Variants in SEC24B observed in about 807,000 individuals in gnomAD.
SEC24B encodes the protein protein transport protein Sec24B.
Under a neutral mutation model 142.8 loss-of-function variants are expected in SEC24B, and 45 were observed. The ratio of observed to expected loss-of-function variants is 0.32; its 90% CI spans 0.25 to 0.40. The LOEUF is 0.40. Among genes scored for constraint, SEC24B ranks in the 10% least tolerant of loss-of-function variants. SEC24B has a pLI of 1.00. For synonymous variants in SEC24B, 574 were observed against 568.2 expected (o/e 1.01, Z -0.15); for missense variants, 1,409 against 1,526.8 (o/e 0.92, Z 1.29).
chr4:109,469,244 T>C (rs912370510), intron 2 of SEC24B, among the ~76,000 whole-genome samples: 2 of 152,240 alleles, frequency 1.3e-5, no homozygotes, highest in Non-Finnish European at 2.9e-5. Flanking sequence ...GTTGTTTGTT[T>C]TGTCAAATTC....
chr4:109,463,582 A>G lies in SEC24B; in HGVS notation c.815A>G (p.Asp272Gly), dbSNP rs776632988. The change falls in exon 2 of 24, where the codon GAC (aspartate) becomes GGC (glycine). Residue 272 changes from aspartate to glycine, a missense_variant. Transcript: ENST00000265175. The part of the protein sequence containing the change: ...WSSPGLPSTQ[D>G]NLIRNHTGSL... Reference sequence around the variant, plus strand: ...TCTCCAGGCCTTCCATCGACTCAAGACAATCTCATCCGAAACCACACAGGA... The same window carrying G: ...TCTCCAGGCCTTCCATCGACTCAAGGCAATCTCATCCGAAACCACACAGGA... The G allele has an allele frequency of 2.5e-6, 4 of 1,614,040 alleles. No individual in the cohort carries two copies. In the African/African-American group the frequency reaches 5.3e-5, roughly 22 times the overall value.
In SEC24B at chr4:109,484,540, AAAAG is replaced by A. The variant is rs369823292; in HGVS notation, c.1165+2761_1165+2764del. ...TGTTGTGTTCTCCAAAAAAAGAAAA[AAAAG>A]AGAGAGAGATCAGAAAGATTTGGTG... On this transcript the variant is annotated intron_variant, in intron 4 of 23. Transcript: ENST00000265175. Among the ~76,000 whole-genome samples, 8 of 152,294 alleles carry A rather than the reference AAAAG, an allele frequency of 5.3e-5. No homozygotes were observed. In the East Asian group the frequency reaches 7.7e-4, roughly 15 times the overall value.
At chr4:109,461,834 T>A (rs755514705) in intron 1 of SEC24B, among the ~76,000 whole-genome samples, 1 of 152,234 alleles carries the variant, frequency 6.6e-6, no homozygotes, top group African/African-American at 2.4e-5. Context: ...TTTAGCTGTG[T>A]GCAGTGGCTC....
In SEC24B at chr4:109,513,683, G is replaced by A. The variant is rs184064659; in HGVS notation, c.1904-64G>A. 2.1e-4 allele frequency: 177 copies of A among 826,690 alleles called. 1 individual carries two copies. The highest frequency in any genetic ancestry group is 1.4e-3 in the Middle Eastern group (6 of 4,402). The allele number at this position is 826,690 out of a possible 1,614,324, so 51.2% of individuals were successfully genotyped here. A position where few individuals can be genotyped will look rare whatever the true frequency, so the allele number is the denominator to read the frequency against. On this transcript the variant is annotated intron_variant, in intron 9 of 23. Transcript: ENST00000265175. Reference sequence around the variant, plus strand: ...ATTGATAATAGATATTTATTTTTAGGTGTGTATATATGTGTTTAGTTACAA... The same window carrying A: ...ATTGATAATAGATATTTATTTTTAGATGTGTATATATGTGTTTAGTTACAA...
intron 3 of SEC24B, among the ~76,000 whole-genome samples, chr4:109,479,112 G>A (rs1201399397): frequency 2.0e-5 from 3 of 152,176 alleles, no homozygotes; most frequent in African/African-American, 7.2e-5. Flanking sequence ...GGAAAGATTT[G>A]CCTGAGGGTA....
In SEC24B at chr4:109,537,881, A is replaced by G. The variant is rs566580984; in HGVS notation, c.3589-612A>G. On this transcript the variant is annotated intron_variant, in intron 22 of 23. Transcript: ENST00000265175. ...TTGTTATATACTACATTTTTGAATT[A>G]TTTAATTTACTGTTAATTTGCTATT... Among the ~76,000 whole-genome samples, 3 of 152,304 alleles carry G rather than the reference A, an allele frequency of 2.0e-5. No homozygotes were observed. In the South Asian group the frequency reaches 6.2e-4, roughly 32 times the overall value.
intron 18 of SEC24B, among the ~76,000 whole-genome samples, chr4:109,528,370 G>T (rs1724496637): frequency 6.6e-6 from 1 of 151,050 alleles, no homozygotes. Context: ...AGGTTGCAGT[G>T]AGCCGAGCCG....
intron 6 of SEC24B, among the ~76,000 whole-genome samples, chr4:109,500,870 G>T (rs1736058605): frequency 6.6e-6 from 1 of 152,112 alleles, no homozygotes; most frequent in South Asian, 2.1e-4. Context: ...TGTTATTCAG[G>T]CTGGTCTCAA....
At chr4:109,475,293 A>G (rs564321668) in intron 3 of SEC24B, among the ~76,000 whole-genome samples, 1 of 152,368 alleles carries the variant, frequency 6.6e-6, no homozygotes, top group South Asian at 2.1e-4. Flanking sequence ...TAATTGAGTC[A>G]GGGCTACCAC....
chr4:109,481,538 A>G (rs1311419561), intron 3 of SEC24B, 139 bp from the exon 4 acceptor site: 1 of 618,622 alleles, frequency 1.6e-6, no homozygotes, highest in Non-Finnish European at 2.9e-6. Context: ...TTTGATAATG[A>G]ATTTGCTAAT....
Position 109,463,594 on chromosome 4 carries a change from G to A in SEC24B, c.827G>A (p.Arg276Gln), listed in dbSNP as rs771472332. Reference protein sequence around the residue: ...GLPSTQDNLIRNHTGSLAVAN... With the variant: ...GLPSTQDNLIQNHTGSLAVAN... ...CCATCGACTCAAGACAATCTCATCC[G>A]AAACCACACAGGATCCCTGGCTGTA... Residue 276 changes from arginine to glutamine, a missense_variant, in exon 2 of 24, where the codon CGA (arginine) becomes CAA (glutamine). Transcript: ENST00000265175. The A allele has an allele frequency of 1.9e-5, 30 of 1,613,950 alleles. No individual in the cohort carries two copies. The highest frequency in any genetic ancestry group is 7.7e-5 in the South Asian group (7 of 91,082).
At chr4:109,511,233 T>C (rs560121387) in intron 8 of SEC24B, among the ~76,000 whole-genome samples, 6 of 152,118 alleles carry the variant, frequency 3.9e-5, no homozygotes, top group East Asian at 3.9e-4. Flanking sequence ...TTCTGTGATA[T>C]AGAGTTCTGT....
chr4:109,506,083 C>T (rs1030391604), intron 6 of SEC24B, among the ~76,000 whole-genome samples: 1 of 152,190 alleles, frequency 6.6e-6, no homozygotes, highest in South Asian at 2.1e-4. Flanking sequence ...AACCAAATTG[C>T]TCATGTTGAA....
At chr4:109,530,912 A>G (rs910193916) in intron 19 of SEC24B, among the ~76,000 whole-genome samples, 7 of 151,240 alleles carry the variant, frequency 4.6e-5, no homozygotes, top group Non-Finnish European at 8.9e-5. Context: ...AAAAAAAAAA[A>G]AAAAAAAAGA....
Position 109,530,441 on chromosome 4 carries a change from T to C in SEC24B, c.3229T>C (p.Tyr1077His). Reference sequence around the variant, plus strand: ...CAGCTCCCTCAAGTTGTTTCCTCTCTATGTTTTGGCCCTTCTCAAACAGGT... The same window carrying C: ...CAGCTCCCTCAAGTTGTTTCCTCTCCATGTTTTGGCCCTTCTCAAACAGGT... ...APSSLKLFPL[Y>H]VLALLKQKAF... Residue 1077 changes from tyrosine (Y) to histidine (H), a missense_variant, in exon 19 of 24, where the codon TAT becomes CAT. Physicochemically the swap from Tyr to His is moderately conservative, Grantham distance 83. This residue lies in a region of SEC24B where 700 missense variants were observed against 853.3 expected (regional missense o/e 0.82). Coordinates refer to ENST00000265175, the MANE Select transcript of SEC24B (RefSeq NM_006323.5). 6.2e-7 allele frequency: 1 copy of C among 1,614,020 alleles called. No individual in the cohort carries two copies. The highest frequency in any genetic ancestry group is 1.1e-5 in the South Asian group (1 of 91,054).
At chr4:109,492,840 A>G (rs1184548363) in intron 5 of SEC24B, among the ~76,000 whole-genome samples, 2 of 150,862 alleles carry the variant, frequency 1.3e-5, no homozygotes, top group African/African-American at 4.9e-5. Flanking sequence ...TCAGCCTCCC[A>G]AGTAGCTGGG....
At chr4:109,453,537 G>A (rs1730350662) in intron 1 of SEC24B, among the ~76,000 whole-genome samples, 1 of 141,696 alleles carries the variant, frequency 7.1e-6, no homozygotes, top group South Asian at 2.2e-4. Flanking sequence ...TCGGTAATAA[G>A]AGAAATATGG....
intron 15 of SEC24B, 68 bp downstream of exon 15, chr4:109,525,009 C>CT: frequency 2.9e-6 from 4 of 1,371,684 alleles, no homozygotes; most frequent in Non-Finnish European, 4.0e-6. Context: ...AATCTAAACT[C>CT]TTCAGTAAGC....
chr4:109,499,472 A>G (rs2126020256), intron 6 of SEC24B, among the ~76,000 whole-genome samples: 1 of 152,264 alleles, frequency 6.6e-6, no homozygotes, highest in South Asian at 2.1e-4. Context: ...AACCTGTGAC[A>G]AAAGAAAAAA....
Sources: allele counts gnomAD v4.1 joint callset (sites outside exome capture counted in the v4.1 genomes callset), GRCh38; gene constraint gnomAD v4.1.1; regional missense constraint gnomAD v4.1.1; transcripts MANE v1.5; gene names NCBI Gene and HGNC (gene_info 2026-07-23, HGNC 2026-07-21).